CPA6: variants seen among roughly 807,000 people sequenced by gnomAD.
CPA6 encodes the protein carboxypeptidase B.
In CPA6, 58 loss-of-function variants were observed where a neutral mutation model predicts 63.3. The ratio of observed to expected loss-of-function variants is 0.92; its 90% CI spans 0.74 to 1.14. The LOEUF (loss-of-function observed/expected upper bound fraction) is 1.14. Ranked by LOEUF, CPA6 falls within the 50% of genes most tolerant of loss-of-function variation. The probability of loss-of-function intolerance (pLI) is 0.00; values close to 1 mark genes in which losing one functional copy is unlikely to be tolerated. For missense variants in CPA6, 565 were observed against 526.6 expected, an observed-to-expected ratio of 1.07 and a Z score of -0.71; for synonymous variants, 185 against 179.0, an observed-to-expected ratio of 1.03 and a Z score of -0.27.
chr8:67,530,124 T>A (rs905828560), intron 2 of CPA6, among the ~76,000 whole-genome samples: 2 of 151,000 alleles, frequency 1.3e-5, no homozygotes, highest in African/African-American at 4.9e-5. Context: ...AATTAGAAAA[T>A]TTAAAAGAGC....
chr8:67,620,247 A>G (rs1815049123), intron 2 of CPA6, among the ~76,000 whole-genome samples: 1 of 152,156 alleles, frequency 6.6e-6, no homozygotes, highest in African/African-American at 2.4e-5. Flanking sequence ...GCTAGAGGAA[A>G]CTTTTTGCTT....
At chr8:67,577,443 G>T (rs778907110) in intron 2 of CPA6, among the ~76,000 whole-genome samples, 13 of 152,124 alleles carry the variant, frequency 8.5e-5, no homozygotes, top group Non-Finnish European at 1.6e-4. Context: ...AGCTTGCCTA[G>T]CATGTAATCT....
chr8:67,646,403 C>T, intron 1 of CPA6, among the ~76,000 whole-genome samples: 1 of 152,186 alleles, frequency 6.6e-6, no homozygotes, highest in Non-Finnish European at 1.5e-5. Context: ...GCTAGACATT[C>T]ACTTTTGGTT....
intron 8 of CPA6, among the ~76,000 whole-genome samples, chr8:67,460,029 C>T (rs1214116320): frequency 2.6e-5 from 4 of 152,190 alleles, no homozygotes. Context: ...AAAAAAGGCA[C>T]TTGTCTACAG....
At chr8:67,734,057 T>G (rs1162922752) in intron 1 of CPA6, among the ~76,000 whole-genome samples, 4 of 138,616 alleles carry the variant, frequency 2.9e-5, no homozygotes, top group Non-Finnish European at 6.3e-5. Context: ...TTTTTTTTTT[T>G]GTAAATTCAG....
intron 2 of CPA6, among the ~76,000 whole-genome samples, chr8:67,581,426 A>G (rs1045037055): frequency 1.3e-5 from 2 of 152,236 alleles, no homozygotes; most frequent in Non-Finnish European, 2.9e-5. Flanking sequence ...TAGTCAAAGT[A>G]TATGCTGAGA....
intron 1 of CPA6, among the ~76,000 whole-genome samples, chr8:67,737,869 G>T (rs1261874249): frequency 1.3e-5 from 2 of 152,114 alleles, no homozygotes; most frequent in African/African-American, 4.8e-5. Context: ...AGGTGGCCTG[G>T]GTTTTAGTCT....
intron 2 of CPA6, among the ~76,000 whole-genome samples, chr8:67,606,247 G>T (rs899704192): frequency 1.5e-4 from 23 of 150,468 alleles, no homozygotes; most frequent in Admixed American, 9.3e-4. Flanking sequence ...TGAGTTAATG[G>T]GTGCAGCACA....
chr8:67,610,718 C>A (rs1041515266), intron 2 of CPA6, among the ~76,000 whole-genome samples: 1 of 152,158 alleles, frequency 6.6e-6, no homozygotes, highest in African/African-American at 2.4e-5. Context: ...ATGTACATGT[C>A]CAGTGTCCTT....
chr8:67,577,984 C>T (rs1263160596), intron 2 of CPA6, among the ~76,000 whole-genome samples: 2 of 152,138 alleles, frequency 1.3e-5, no homozygotes, highest in Non-Finnish European at 2.9e-5. Context: ...AAGAACCAAA[C>T]ATAGTAAATA....
chr8:67,700,669 G>A (rs1817005440), intron 1 of CPA6, among the ~76,000 whole-genome samples: 1 of 152,096 alleles, frequency 6.6e-6, no homozygotes, highest in Non-Finnish European at 1.5e-5. Context: ...CTTTGGTTGA[G>A]GTTTGCAGTA....
At chr8:67,508,112 G>A (rs1811970571) in intron 5 of CPA6, among the ~76,000 whole-genome samples, 1 of 151,598 alleles carries the variant, frequency 6.6e-6, no homozygotes, top group Admixed American at 6.6e-5. Context: ...ATTAGAGCAT[G>A]AGAGGGTCAA....
At chr8:67,540,946 G>A (rs1159404090) in intron 2 of CPA6, among the ~76,000 whole-genome samples, 1 of 152,224 alleles carries the variant, frequency 6.6e-6, no homozygotes. Flanking sequence ...GGGCTCCATG[G>A]GGGTGGGATC....
chr8:67,656,660 T>C (rs181257717), intron 1 of CPA6, among the ~76,000 whole-genome samples: 81 of 152,286 alleles, frequency 5.3e-4, no homozygotes, highest in Non-Finnish European at 9.7e-4. Context: ...TATAAAAGGG[T>C]GTAAACTCAC....
At chr8:67,727,804 C>T (rs574378588) in intron 1 of CPA6, among the ~76,000 whole-genome samples, 13 of 152,272 alleles carry the variant, frequency 8.5e-5, no homozygotes, top group Non-Finnish European at 1.5e-4. Context: ...TCTGGACAGA[C>T]GCAGTGGCTC....
At chr8:67,569,393 C>T (rs112519104) in intron 2 of CPA6, 141 of 189,662 alleles carry the variant, frequency 7.4e-4, no homozygotes, top group African/African-American at 3.1e-3. Flanking sequence ...GCCACCATCT[C>T]GGTTCCATGT....
rs375098543 is a variant in CPA6 at position 67,538,653 on chromosome 8, T to C, written c.193-20606A>G. On this transcript the variant is annotated intron_variant, in intron 2 of 10. Coordinates refer to ENST00000297770, the MANE Select transcript of CPA6 (RefSeq NM_020361.5). ...CAATGGGTCTTGAGTCTTTATCCAATTTGTCAGTCTGTGTCTTTTTTTTCT... is the reference window on the plus strand; with the variant it reads ...CAATGGGTCTTGAGTCTTTATCCAACTTGTCAGTCTGTGTCTTTTTTTTCT... 2.6e-5 allele frequency among the ~76,000 whole-genome samples: 4 copies of C among 151,878 alleles called. No homozygotes were observed. In the East Asian group the frequency reaches 7.8e-4, roughly 30 times the overall value.
chr8:67,598,829 T>G (rs1313003806), intron 2 of CPA6, among the ~76,000 whole-genome samples: 1 of 152,168 alleles, frequency 6.6e-6, no homozygotes, highest in Non-Finnish European at 1.5e-5. Context: ...TAAGCCCTTC[T>G]ATACATTTAT....
rs1269064859 is a variant in CPA6, at chr8:67,550,267, CTCCCACTTATAAGTGAGAACAT to C, written c.193-32242_193-32221del. ...ATGTCCGTGAGTACTTGATGTTTAGCTCCCACTTATAAGTGAGAACATGTGGTTTGGTTTTCTGTTCCTGTGT... is the reference window on the plus strand; with the variant it reads ...ATGTCCGTGAGTACTTGATGTTTAGCGTGGTTTGGTTTTCTGTTCCTGTGT... On this transcript the variant is annotated intron_variant, in intron 2 of 10. Transcript: ENST00000297770. 1.4e-4 allele frequency among the ~76,000 whole-genome samples: 21 copies of C among 152,250 alleles called. No homozygotes were observed. The East Asian group carries it at 2.3e-3, about 17-fold the overall frequency.
Sources: allele counts gnomAD v4.1 joint callset (sites outside exome capture counted in the v4.1 genomes callset), GRCh38; gene constraint gnomAD v4.1.1; transcripts MANE v1.5; gene names NCBI Gene and HGNC (gene_info 2026-07-23, HGNC 2026-07-21).